CEP112: variants seen among roughly 807,000 people sequenced by gnomAD.
CEP112 encodes the protein centrosomal protein of 112 kDa.
CEP112 carries 127 observed loss-of-function variants against 153.0 expected under a neutral mutation model. The ratio of observed to expected loss-of-function variants is 0.83; its 90% CI spans 0.72 to 0.96. CEP112 has a LOEUF of 0.96. Ranked by LOEUF, CEP112 falls within the 40% of genes least tolerant of loss-of-function variation. The pLI is 0.00. For synonymous variants in CEP112, 358 were observed against 374.4 expected (o/e 0.96, Z 0.51); for missense variants, 1,089 against 1,101.2 (o/e 0.99, Z 0.16).
rs180870846 is a variant in CEP112 at position 66,018,233 on chromosome 17, C to T, written c.1656+9268G>A. ...TAGTCAAGGATACATAATATATTTTCAAACATGAGAATTTGCTATAAATAA... is the reference window on the plus strand; with the variant it reads ...TAGTCAAGGATACATAATATATTTTTAAACATGAGAATTTGCTATAAATAA... On this transcript the variant is annotated intron_variant, in intron 16 of 26. Coordinates refer to ENST00000535342, the MANE Select transcript of CEP112 (RefSeq NM_001199165.4). Among the ~76,000 whole-genome samples the T allele has an allele frequency of 2.2e-3, 334 of 152,182 alleles. 1 individual carries two copies. The highest frequency in any genetic ancestry group is 3.1e-3 in the Non-Finnish European group (209 of 67,988).
At chr17:66,032,895 T>C (rs1039169521) in intron 12 of CEP112, among the ~76,000 whole-genome samples, 10 of 152,166 alleles carry the variant, frequency 6.6e-5, no homozygotes, top group African/African-American at 2.4e-4. Flanking sequence ...GTCTCGTGGC[T>C]GGAAATCCTG....
intron 9 of CEP112, 69 bp from the exon 10 acceptor site, chr17:66,066,946 G>C (rs2067143220): frequency 2.1e-6 from 2 of 940,568 alleles, no homozygotes; most frequent in Admixed American, 3.9e-5. Flanking sequence ...TTTGAATCCT[G>C]ATATATTTAA....
intron 24 of CEP112, among the ~76,000 whole-genome samples, chr17:65,671,693 A>C (rs541365983): frequency 6.6e-6 from 1 of 152,078 alleles, no homozygotes. Flanking sequence ...TTGTGTGTGT[A>C]TGTGTGTGTG....
chr17:65,704,614 G>A (rs906301195), intron 23 of CEP112, among the ~76,000 whole-genome samples: 8 of 152,084 alleles, frequency 5.3e-5, no homozygotes, highest in East Asian at 3.9e-4. Context: ...GTACATGGTC[G>A]TATCAGATCA....
chr17:66,097,368 T>G (rs574913395), intron 6 of CEP112, among the ~76,000 whole-genome samples: 1 of 152,196 alleles, frequency 6.6e-6, no homozygotes, highest in Non-Finnish European at 1.5e-5. Flanking sequence ...CCCTGGATGC[T>G]AGTTCCCTTT....
intron 19 of CEP112, among the ~76,000 whole-genome samples, chr17:65,902,567 A>G (rs1266137366): frequency 6.6e-6 from 1 of 151,854 alleles, no homozygotes; most frequent in Non-Finnish European, 1.5e-5. Flanking sequence ...TGTTGACACA[A>G]ATGTCTGAAC....
chr17:65,852,533 C>A (rs2058001097), intron 20 of CEP112, among the ~76,000 whole-genome samples: 1 of 132,462 alleles, frequency 7.5e-6, no homozygotes, highest in South Asian at 2.7e-4. Flanking sequence ...ATTCCATATT[C>A]CCATGTCATT....
intron 21 of CEP112, among the ~76,000 whole-genome samples, chr17:65,829,717 T>C (rs941409878): frequency 1.3e-5 from 2 of 152,182 alleles, no homozygotes; most frequent in African/African-American, 2.4e-5. Flanking sequence ...ATTTAAAATA[T>C]ATATAGTGAC....
rs1326686346 is a variant in CEP112 at position 66,191,494 on chromosome 17, G to T, written c.-9+503C>A. 6.6e-6 allele frequency among the ~76,000 whole-genome samples: 1 copy of T among 152,218 alleles called. No individual in the cohort carries two copies. The highest frequency in any genetic ancestry group is 1.5e-5 in the Non-Finnish European group (1 of 68,042). ...TGCTGGGCTTGGGCCTCTCCAAGCG[G>T]CCTATGACTTTCTGCAAACCAACCA... On this transcript the variant is annotated intron_variant, in intron 1 of 26. Coordinates refer to ENST00000535342, the MANE Select transcript of CEP112 (RefSeq NM_001199165.4). The surrounding 1 kb of genome is among the most constrained non-coding windows in gnomAD (Gnocchi z 4.2).
At chr17:65,721,372 C>T (rs2144854604) in intron 23 of CEP112, among the ~76,000 whole-genome samples, 1 of 152,174 alleles carries the variant, frequency 6.6e-6, no homozygotes, top group East Asian at 1.9e-4. Context: ...ATACTTTAAG[C>T]CTTAAGAAAA....
At chr17:65,971,858 G>A (rs373377545) in intron 17 of CEP112, among the ~76,000 whole-genome samples, 2 of 152,206 alleles carry the variant, frequency 1.3e-5, no homozygotes, top group East Asian at 3.9e-4. Flanking sequence ...TACTTAAAGA[G>A]CCATATCAAC....
At chr17:65,648,128 A>T (rs1025440780) in intron 24 of CEP112, among the ~76,000 whole-genome samples, 1 of 152,262 alleles carries the variant, frequency 6.6e-6, no homozygotes. Flanking sequence ...GCTGTGGTTC[A>T]TTTCCATCCT....
At chr17:66,151,641 T>TA (rs1391005442) in intron 4 of CEP112, among the ~76,000 whole-genome samples, 1 of 152,238 alleles carries the variant, frequency 6.6e-6, no homozygotes, top group Non-Finnish European at 1.5e-5. Flanking sequence ...TGCCATGCTG[T>TA]AGGCTATCCT....
chr17:65,676,269 A>C (rs569212420), intron 24 of CEP112, among the ~76,000 whole-genome samples: 16 of 151,806 alleles, frequency 1.1e-4, no homozygotes, highest in African/African-American at 3.6e-4. Context: ...CGGAGGTTTC[A>C]GTGAGCCAAG....
chr17:65,716,639 T>G (rs1388133458), intron 23 of CEP112, among the ~76,000 whole-genome samples: 1 of 152,218 alleles, frequency 6.6e-6, no homozygotes, highest in Non-Finnish European at 1.5e-5. Context: ...ACCGTGAGAC[T>G]CATCCACCAT....
At position 65,969,494 on chromosome 17, in the gene CEP112, G is replaced by A. The variant is rs184313472; in HGVS notation, c.1737-7896C>T. Among the ~76,000 whole-genome samples, 132 of 151,996 alleles carry A rather than the reference G, an allele frequency of 8.7e-4. 3 individuals are homozygous for A. In the South Asian group the frequency reaches 8.9e-3, roughly 10 times the overall value. ...GTGTAATGCATGCATATTACACACAGGTATACTGTATTTGCATTACTTGCA... is the reference window on the plus strand; with the variant it reads ...GTGTAATGCATGCATATTACACACAAGTATACTGTATTTGCATTACTTGCA... On this transcript the variant is annotated intron_variant, in intron 17 of 26. Coordinates refer to ENST00000535342, the MANE Select transcript of CEP112 (RefSeq NM_001199165.4).
At chr17:65,968,540 G>A (rs2044186) in intron 17 of CEP112, among the ~76,000 whole-genome samples, 73,048 of 151,990 alleles carry the variant, frequency 0.48, 18,545 homozygotes, top group East Asian at 0.89. Context: ...TTAGAGAATT[G>A]TATTGCTACA....
intron 20 of CEP112, among the ~76,000 whole-genome samples, chr17:65,892,170 A>G (rs1233224817): frequency 1.3e-5 from 2 of 152,208 alleles, no homozygotes; most frequent in Non-Finnish European, 2.9e-5. Flanking sequence ...CAGGATGTGA[A>G]AGGCACCTCC....
chr17:65,730,120 C>T (rs1355786337), intron 23 of CEP112, among the ~76,000 whole-genome samples: 1 of 152,168 alleles, frequency 6.6e-6, no homozygotes, highest in Non-Finnish European at 1.5e-5. Flanking sequence ...GTACACAAGG[C>T]AATGTTCCAG....
Sources: gnomAD v4.1 joint callset for allele counts (sites outside exome capture counted in the v4.1 genomes callset) on GRCh38, gnomAD v4.1.1 for gene constraint, Gnocchi (gnomAD v3.1) non-coding constraint, MANE v1.5 for transcripts, NCBI Gene and HGNC (gene_info 2026-07-23, HGNC 2026-07-21) for gene names.